The following ST7 variants were observed in gnomAD, a reference collection of about 807,000 sequenced individuals.
ST7 encodes the protein suppressor of tumorigenicity 7 protein.
Under a neutral mutation model 78.7 loss-of-function variants are expected in ST7, and 28 were observed. The ratio of observed to expected loss-of-function variants is 0.36; its 90% confidence interval spans 0.26 to 0.49. The LOEUF is 0.49. ST7 is among the 20% of genes least tolerant of loss of function. The probability of loss-of-function intolerance (pLI) is 0.99; values close to 1 mark genes in which losing one functional copy is unlikely to be tolerated. For synonymous variants in ST7, 247 were observed against 249.6 expected, an observed-to-expected ratio of 0.99 and a Z score of 0.10; for missense variants, 418 against 696.0, an observed-to-expected ratio of 0.60 and a Z score of 4.49.
At chr7:117,024,201 T>C (rs927781627) in intron 1 of ST7, among the ~76,000 whole-genome samples, 1 of 152,130 alleles carries the variant, frequency 6.6e-6, no homozygotes, top group Non-Finnish European at 1.5e-5. Context: ...GGAGAAAATA[T>C]TTTTAGGGAG....
intron 2 of ST7, among the ~76,000 whole-genome samples, chr7:117,107,061 T>TTA (rs1802034973): frequency 6.6e-6 from 1 of 152,172 alleles, no homozygotes; most frequent in Non-Finnish European, 1.5e-5. Flanking sequence ...GCAAATACCA[T>TTA]TATTTCATTC....
chr7:117,046,175 CTG>C (rs1797483276), intron 1 of ST7, among the ~76,000 whole-genome samples: 1 of 151,862 alleles, frequency 6.6e-6, no homozygotes, highest in Non-Finnish European at 1.5e-5. Flanking sequence ...TTTTTTTTGA[CTG>C]TGTCATGCTG....
intron 15 of ST7, among the ~76,000 whole-genome samples, chr7:117,229,274 C>T (rs1380066133): frequency 6.6e-6 from 1 of 152,220 alleles, no homozygotes; most frequent in Non-Finnish European, 1.5e-5. Flanking sequence ...ACGCTGGTGT[C>T]TGGGAGGCAG....
chr7:117,013,334 A>G (rs560455975), intron 1 of ST7, among the ~76,000 whole-genome samples: 3 of 152,220 alleles, frequency 2.0e-5, no homozygotes, highest in African/African-American at 4.8e-5. Flanking sequence ...AGGCTTCCCA[A>G]TCTGTACCCT....
At chr7:116,972,776 C>T (rs953589098) in intron 1 of ST7, 7 of 943,282 alleles carry the variant, frequency 7.4e-6, no homozygotes, top group Non-Finnish European at 3.5e-6. Context: ...ACCTCAGCCT[C>T]AGCCTGTTCC....
chr7:116,972,344 T>G (rs914629890), intron 1 of ST7: 4 of 613,302 alleles, frequency 6.5e-6, no homozygotes, highest in Non-Finnish European at 1.2e-5. Flanking sequence ...GTAAGAATCT[T>G]GATCTCTTTC....
chr7:117,100,172 T>TA (rs1801462341), intron 2 of ST7, among the ~76,000 whole-genome samples: 1 of 152,254 alleles, frequency 6.6e-6, no homozygotes, highest in African/African-American at 2.4e-5. Context: ...TCAGTTCAAC[T>TA]AAAAATCATC....
At chr7:117,168,536 C>T (rs1016019434) in intron 9 of ST7, among the ~76,000 whole-genome samples, 2 of 151,748 alleles carry the variant, frequency 1.3e-5, no homozygotes, top group Non-Finnish European at 2.9e-5. Flanking sequence ...GTAATCTCAA[C>T]TAGAATCAAA....
intron 13 of ST7, among the ~76,000 whole-genome samples, chr7:117,217,490 TG>T (rs1792782963): frequency 6.6e-6 from 1 of 152,196 alleles, no homozygotes; most frequent in Non-Finnish European, 1.5e-5. Context: ...TGTTTGTTTT[TG>T]TGGGGGGTGT....
intron 7 of ST7, 34 bp downstream of exon 7, chr7:117,134,226 A>T: frequency 6.2e-7 from 1 of 1,610,298 alleles, no homozygotes; most frequent in Non-Finnish European, 8.5e-7. Flanking sequence ...CCCTACTTCT[A>T]ACCAAATGAG....
chr7:116,979,037 C>T (rs1164469627), intron 1 of ST7, among the ~76,000 whole-genome samples: 1 of 152,188 alleles, frequency 6.6e-6, no homozygotes, highest in African/African-American at 2.4e-5. Context: ...CATGACCATC[C>T]TTGGGCACAG....
At chr7:117,035,761 C>T (rs1270115541) in intron 1 of ST7, among the ~76,000 whole-genome samples, 1 of 151,782 alleles carries the variant, frequency 6.6e-6, no homozygotes, top group Non-Finnish European at 1.5e-5. Flanking sequence ...GAGTTAATTT[C>T]TCCTCTTCTT....
chr7:117,059,408 G>A (rs1584540277), intron 1 of ST7, among the ~76,000 whole-genome samples: 1 of 152,196 alleles, frequency 6.6e-6, no homozygotes, highest in East Asian at 1.9e-4. Flanking sequence ...GAAAATAGTG[G>A]TCAAGGCAAG....
intron 3 of ST7, among the ~76,000 whole-genome samples, chr7:117,121,087 T>C: frequency 6.6e-6 from 1 of 152,240 alleles, no homozygotes; most frequent in East Asian, 1.9e-4. Context: ...CAATGTTCTT[T>C]GTCATTCAAA....
At chr7:117,111,624 T>C (rs1204354443) in intron 2 of ST7, among the ~76,000 whole-genome samples, 1 of 152,194 alleles carries the variant, frequency 6.6e-6, no homozygotes, top group Non-Finnish European at 1.5e-5. Context: ...CCCTTTTAGT[T>C]CCTATGCCTA....
intron 9 of ST7, among the ~76,000 whole-genome samples, chr7:117,157,250 C>A (rs1806772374): frequency 6.6e-6 from 1 of 152,136 alleles, no homozygotes; most frequent in African/African-American, 2.4e-5. Flanking sequence ...GAGGAGAAGC[C>A]AGCCCTACAT....
chr7:116,972,229 T>G, intron 1 of ST7: 1 of 531,472 alleles, frequency 1.9e-6, no homozygotes, highest in Non-Finnish European at 3.6e-6. Context: ...GCGCTGTCCT[T>G]TGGTGCATTT....
intron 10 of ST7, chr7:117,173,378 A>G (rs1808139572): frequency 6.6e-6 from 1 of 152,180 alleles, no homozygotes; most frequent in Non-Finnish European, 1.5e-5. Context: ...TTACAGTAGA[A>G]ATATAATGAA....
At chr7:117,054,409 C>T (rs757008222) in intron 1 of ST7, among the ~76,000 whole-genome samples, 23 of 152,206 alleles carry the variant, frequency 1.5e-4, no homozygotes, top group Non-Finnish European at 1.2e-4. Flanking sequence ...ACTGCTCTTT[C>T]TTACTGCTGT....
Sources: gnomAD v4.1 joint callset for allele counts (sites outside exome capture counted in the v4.1 genomes callset) on GRCh38, gnomAD v4.1.1 for gene constraint, MANE v1.5 for transcripts, NCBI Gene and HGNC (gene_info 2026-07-23, HGNC 2026-07-21) for gene names.